The following MGMT variants were observed in gnomAD, a reference collection of about 807,000 sequenced individuals.
The protein encoded by MGMT is methylated-DNA--protein-cysteine methyltransferase.
MGMT carries 14 observed loss-of-function variants against 15.9 expected under a neutral mutation model. The ratio of observed to expected loss-of-function variants is 0.88; its 90% CI spans 0.58 to 1.37. The LOEUF (loss-of-function observed/expected upper bound fraction) is 1.37, where lower values mean the gene tolerates loss of function less well. Among genes scored for constraint, MGMT ranks in the 40% most tolerant of loss-of-function variants. The probability of loss-of-function intolerance (pLI) is 0.00; values close to 1 mark genes in which losing one functional copy is unlikely to be tolerated. For synonymous variants in MGMT, 130 were observed against 118.2 expected (o/e 1.10, Z -0.65); for missense variants, 282 against 268.1 (o/e 1.05, Z -0.36).
chr10:129,646,147 C>G (rs1272097037), intron 2 of MGMT, among the ~76,000 whole-genome samples: 1 of 152,158 alleles, frequency 6.6e-6, no homozygotes, highest in Non-Finnish European at 1.5e-5. Flanking sequence ...ACACTAAGAG[C>G]CTCCCAGTGT....
intron 1 of MGMT, among the ~76,000 whole-genome samples, chr10:129,508,712 C>T (rs913953048): frequency 2.0e-5 from 3 of 151,776 alleles, no homozygotes; most frequent in Non-Finnish European, 4.4e-5. Flanking sequence ...GCCCGGCTGA[C>T]TTTTTGTATT....
intron 2 of MGMT, among the ~76,000 whole-genome samples, chr10:129,680,846 G>A (rs957495703): frequency 6.6e-6 from 1 of 152,116 alleles, no homozygotes; most frequent in Admixed American, 6.5e-5. Flanking sequence ...TGTGGGTGCC[G>A]GCCGTGTCTG....
chr10:129,672,573 C>T (rs754126160), intron 2 of MGMT, among the ~76,000 whole-genome samples: 13 of 152,140 alleles, frequency 8.5e-5, no homozygotes, highest in Non-Finnish European at 1.8e-4. Flanking sequence ...TTCTTCTGAT[C>T]GCTCTAACAG....
intron 1 of MGMT, among the ~76,000 whole-genome samples, chr10:129,520,394 C>G (rs539097948): frequency 3.4e-5 from 5 of 148,356 alleles, no homozygotes; most frequent in African/African-American, 1.3e-4. Context: ...AAAGCATCTC[C>G]TTCCATCTCC....
chr10:129,551,343 G>T (rs141835055), intron 2 of MGMT, among the ~76,000 whole-genome samples: 1 of 152,278 alleles, frequency 6.6e-6, no homozygotes, highest in East Asian at 1.9e-4. Context: ...GGACTTTCGA[G>T]AGAAGGTGGA....
intron 2 of MGMT, among the ~76,000 whole-genome samples, chr10:129,585,609 C>T (rs1185661573): frequency 6.6e-6 from 1 of 152,186 alleles, no homozygotes; most frequent in African/African-American, 2.4e-5. Flanking sequence ...TACCTAATGC[C>T]TAGATATCAC....
In MGMT at chr10:129,646,719, A is replaced by AATATATATATATATATAT. The variant is rs10543851; in HGVS notation, c.126-61157_126-61140dup. 8.2e-4 allele frequency among the ~76,000 whole-genome samples: 67 copies of AATATATATATATATATAT among 81,640 alleles called. 1 individual carries two copies. Among genetic ancestry groups the AATATATATATATATATAT allele is most frequent in the African/African-American group, 1.4e-3 (29 of 21,072 alleles). 53.6% of individuals were successfully genotyped at this position (81,640 alleles called of 152,430 possible). ...TTCCAGAAGCCTGCTGCCCATCAGA[A>AATATATATATATATATAT]ATATATATATATATATATATATATA... On this transcript the variant is annotated intron_variant, in intron 2 of 4. Coordinates refer to ENST00000651593, the MANE Select transcript of MGMT (RefSeq NM_002412.5).
In MGMT at chr10:129,566,688, G is replaced by A. The variant is rs1301653835; in HGVS notation, c.125+30311G>A. ...GTTGGCTGGATCTCGTTGAAGGCCT[G>A]CGGAGATTCAGGTGCCATAGGGAGG... On this transcript the variant is annotated intron_variant, in intron 2 of 4. Transcript: ENST00000651593. The surrounding 1 kb of genome is among the most constrained non-coding windows in gnomAD (Gnocchi z 4.1). Among the ~76,000 whole-genome samples, 2 of 152,020 alleles carry A rather than the reference G, an allele frequency of 1.3e-5. No homozygotes were observed. Among genetic ancestry groups the A allele is most frequent in the African/African-American group, 4.8e-5 (2 of 41,384 alleles).
intron 2 of MGMT, among the ~76,000 whole-genome samples, chr10:129,633,211 A>G (rs1394888934): frequency 1.3e-5 from 2 of 152,192 alleles, no homozygotes; most frequent in African/African-American, 2.4e-5. Flanking sequence ...TATAGAAAAA[A>G]CGTTATACCT....
At chr10:129,676,212 A>G (rs1238918140) in intron 2 of MGMT, among the ~76,000 whole-genome samples, 1 of 152,146 alleles carries the variant, frequency 6.6e-6, no homozygotes, top group African/African-American at 2.4e-5. Flanking sequence ...ATTGGGCCGG[A>G]TGTTACTGAG....
At chr10:129,657,684 C>CACACACAT (rs1847541160) in intron 2 of MGMT, among the ~76,000 whole-genome samples, 1 of 138,340 alleles carries the variant, frequency 7.2e-6, no homozygotes, top group Non-Finnish European at 1.6e-5. Context: ...AACACACACA[C>CACACACAT]ACACACACAC....
At chr10:129,480,653 G>T (rs1392583389) in intron 1 of MGMT, among the ~76,000 whole-genome samples, 1 of 152,106 alleles carries the variant, frequency 6.6e-6, no homozygotes, top group Non-Finnish European at 1.5e-5. Flanking sequence ...TGAGGTGGGA[G>T]GATCACTTGA....
intron 3 of MGMT, among the ~76,000 whole-genome samples, chr10:129,753,313 G>A (rs565671553): frequency 1.3e-5 from 2 of 152,244 alleles, no homozygotes; most frequent in East Asian, 1.9e-4. Flanking sequence ...TTCTTTGAAT[G>A]TGTCCTGTTT....
intron 2 of MGMT, among the ~76,000 whole-genome samples, chr10:129,630,305 GA>G (rs1847195923): frequency 1.3e-5 from 2 of 152,180 alleles, no homozygotes; most frequent in Non-Finnish European, 2.9e-5. Flanking sequence ...TGTCTGCCTA[GA>G]GATTCCTCTG....
chr10:129,585,256 G>A (rs1047429934), intron 2 of MGMT, among the ~76,000 whole-genome samples: 3 of 152,206 alleles, frequency 2.0e-5, no homozygotes, highest in Non-Finnish European at 2.9e-5. Flanking sequence ...AATAGGGCTG[G>A]TTGATGGGAT....
At chr10:129,599,969 G>A (rs1337376938) in intron 2 of MGMT, among the ~76,000 whole-genome samples, 2 of 145,036 alleles carry the variant, frequency 1.4e-5, no homozygotes, top group African/African-American at 4.9e-5. Flanking sequence ...GTTACCTATA[G>A]GTAAGTAGGT....
At chr10:129,707,355 C>T (rs972712337) in intron 2 of MGMT, among the ~76,000 whole-genome samples, 4 of 151,832 alleles carry the variant, frequency 2.6e-5, no homozygotes, top group African/African-American at 7.3e-5. Context: ...GGGCTGCCCC[C>T]GAGAGGACAG....
intron 1 of MGMT, among the ~76,000 whole-genome samples, chr10:129,483,916 C>T (rs1358173203): frequency 3.3e-5 from 5 of 151,896 alleles, no homozygotes; most frequent in African/African-American, 4.8e-5. Context: ...ATATAGATAC[C>T]TTGGGGATGT....
chr10:129,623,834 C>G (rs1847116548), intron 2 of MGMT, among the ~76,000 whole-genome samples: 1 of 152,228 alleles, frequency 6.6e-6, no homozygotes, highest in Non-Finnish European at 1.5e-5. Context: ...TCTATATAAC[C>G]TTTCAAACAG....
Sources: gnomAD v4.1 joint callset for allele counts (sites outside exome capture counted in the v4.1 genomes callset) on GRCh38, gnomAD v4.1.1 for gene constraint, Gnocchi (gnomAD v3.1) non-coding constraint, MANE v1.5 for transcripts, NCBI Gene and HGNC (gene_info 2026-07-23, HGNC 2026-07-21) for gene names.